PDE10A: variants seen among roughly 807,000 people sequenced by gnomAD.
The protein encoded by PDE10A is phosphodiesterase 10A, also known as cAMP and cAMP-inhibited cGMP 3',5'-cyclic phosphodiesterase 10A.
In PDE10A, 39 loss-of-function variants were observed where a neutral mutation model predicts 97.7. That is an observed-to-expected ratio of 0.40 (90% CI 0.31 to 0.52). The LOEUF is 0.52. Among genes scored for constraint, PDE10A ranks in the 20% least tolerant of loss-of-function variants. PDE10A has a pLI of 0.56. For synonymous variants in PDE10A, 371 were observed against 376.8 expected (o/e 0.98, Z 0.18); for missense variants, 731 against 1,047.8 (o/e 0.70, Z 4.17).
intron 1 of PDE10A, among the ~76,000 whole-genome samples, chr6:165,742,955 G>A (rs764922592): frequency 8.5e-5 from 13 of 152,310 alleles, no homozygotes; most frequent in East Asian, 1.9e-4. Flanking sequence ...TCCTCCTGAT[G>A]AGCCTGGTCT....
intron 1 of PDE10A, among the ~76,000 whole-genome samples, chr6:165,736,159 A>C (rs143777839): frequency 6.6e-6 from 1 of 152,322 alleles, no homozygotes; most frequent in African/African-American, 2.4e-5. Flanking sequence ...AGAAAGAAGT[A>C]GGTGGCAAAA....
chr6:165,779,617 G>A (rs1211010899), intron 1 of PDE10A, among the ~76,000 whole-genome samples: 2 of 152,188 alleles, frequency 1.3e-5, no homozygotes, highest in Non-Finnish European at 1.5e-5. Flanking sequence ...ATTTGGGGTG[G>A]TGGCTACAAA....
intron 1 of PDE10A, among the ~76,000 whole-genome samples, chr6:165,961,692 T>A (rs946776640): frequency 3.9e-5 from 6 of 152,220 alleles, no homozygotes; most frequent in African/African-American, 1.4e-4. Flanking sequence ...TGATGGAAGT[T>A]TCCCAGACTG....
chr6:165,579,478 C>A (rs575900634), intron 1 of PDE10A, among the ~76,000 whole-genome samples: 5 of 152,176 alleles, frequency 3.3e-5, no homozygotes, highest in Non-Finnish European at 7.3e-5. Flanking sequence ...GTCTCTCACA[C>A]CTCACATCCA....
At chr6:165,911,694 T>C (rs889083999) in intron 1 of PDE10A, among the ~76,000 whole-genome samples, 1 of 152,232 alleles carries the variant, frequency 6.6e-6, no homozygotes, top group Non-Finnish European at 1.5e-5. Flanking sequence ...TATGGATGGC[T>C]CACCAGGTTC....
rs1348447809 is a variant in PDE10A, at chr6:165,413,504, A to G, written c.2073T>C (p.Ala691=). The G allele has an allele frequency of 6.2e-7, 1 of 1,608,516 alleles. No individual in the cohort carries two copies. The highest frequency in any genetic ancestry group is 1.7e-5 in the Admixed American group (1 of 60,008). The change falls in exon 13 of 22, where the codon GCT becomes GCC. Residue 691 remains alanine (A), a synonymous_variant. Transcript: ENST00000539869. ...GTATTTAATAAATAGTACTTACATT[A>G]GCACAGTGTAAGGCTAAAGCACAAA... ...AVFCALALHC[A]NMYHRIRHSE... is the part of the protein sequence containing the mutation.
chr6:165,685,720 TG>T (rs1382488936), intron 1 of PDE10A, among the ~76,000 whole-genome samples: 2 of 152,168 alleles, frequency 1.3e-5, no homozygotes, highest in Non-Finnish European at 2.9e-5. Flanking sequence ...ATGCCTGACC[TG>T]GGGTGAGCCC....
chr6:165,748,650 A>C (rs1376160632), intron 1 of PDE10A, among the ~76,000 whole-genome samples: 1 of 152,226 alleles, frequency 6.6e-6, no homozygotes, highest in Non-Finnish European at 1.5e-5. Context: ...ACAGTAACAC[A>C]GCTCCCAGCA....
chr6:165,655,229 T>C lies in PDE10A; in HGVS notation c.865+6718A>G, dbSNP rs949653862. ...CTTGGGGCATCCAATCCCATGATTT[T>C]AGATGCTGTGACTGCAGTTTCTATG... On this transcript the variant is annotated intron_variant, in intron 1 of 21. Coordinates refer to ENST00000539869, the MANE Select transcript of PDE10A (RefSeq NM_001385079.1). This position sits in a 1 kb window ranked among gnomAD's most constrained non-coding sequence, Gnocchi z 4.5. 6.6e-6 allele frequency among the ~76,000 whole-genome samples: 1 copy of C among 152,210 alleles called. No homozygotes were observed. The highest frequency in any genetic ancestry group is 1.5e-5 in the Non-Finnish European group (1 of 68,028).
At position 165,655,332 on chromosome 6, in the gene PDE10A, C is replaced by G. The variant is rs1789886269; in HGVS notation, c.865+6615G>C. Among the ~76,000 whole-genome samples the G allele has an allele frequency of 6.6e-6, 1 of 152,172 alleles. No homozygotes were observed. The highest frequency in any genetic ancestry group is 2.4e-5 in the African/African-American group (1 of 41,440). ...AACTGCCTTCCTAGCATATGCATCT[C>G]AGGCTGAACACCACCAAACGCCACG... On this transcript the variant is annotated intron_variant, in intron 1 of 21. Coordinates refer to ENST00000539869, the MANE Select transcript of PDE10A (RefSeq NM_001385079.1). This position sits in a 1 kb window ranked among gnomAD's most constrained non-coding sequence, Gnocchi z 4.5.
chr6:165,405,573 T>C (rs956247415), intron 13 of PDE10A, among the ~76,000 whole-genome samples: 1 of 152,224 alleles, frequency 6.6e-6, no homozygotes, highest in African/African-American at 2.4e-5. Flanking sequence ...ACATATCTCA[T>C]TTTGTCCTGA....
At chr6:165,668,695 G>A (rs77418792) in intron 1 of PDE10A, among the ~76,000 whole-genome samples, 5 of 150,360 alleles carry the variant, frequency 3.3e-5, no homozygotes, top group African/African-American at 9.8e-5. Context: ...AGAAAGGAAA[G>A]GAAGGAAGAA....
In PDE10A at chr6:165,418,900, T is replaced by A; in HGVS notation, c.1654-123A>T. 1.4e-6 allele frequency: 1 copy of A among 693,048 alleles called. No individual in the cohort carries two copies. The highest frequency in any genetic ancestry group is 2.4e-6 in the Non-Finnish European group (1 of 411,874). The allele number at this position is 693,048 out of a possible 1,614,324, so 42.9% of individuals were successfully genotyped here. On this transcript the variant is annotated intron_variant, in intron 10 of 21. Coordinates refer to ENST00000539869, the MANE Select transcript of PDE10A (RefSeq NM_001385079.1). The surrounding 1 kb of genome is among the most constrained non-coding windows in gnomAD (Gnocchi z 4.8). ...ATACTCTAATTGGTTGGTATTAGCA[T>A]TATAAGTAAATAAATATACAAGTAT...
intron 13 of PDE10A, among the ~76,000 whole-genome samples, chr6:165,410,495 A>G (rs74465782): frequency 6.6e-6 from 1 of 151,906 alleles, no homozygotes; most frequent in Non-Finnish European, 1.5e-5. Flanking sequence ...AGATGGCTAG[A>G]GCATTCTGTG....
At chr6:165,724,961 C>T (rs73788767) in intron 1 of PDE10A, among the ~76,000 whole-genome samples, 7,748 of 152,220 alleles carry the variant, frequency 0.051, 336 homozygotes, top group African/African-American at 0.12. Context: ...GGGTCCCTGG[C>T]AAAGGCTCCA....
chr6:165,966,398 C>CAA (rs1784511831), intron 1 of PDE10A, among the ~76,000 whole-genome samples: 2 of 152,324 alleles, frequency 1.3e-5, no homozygotes, highest in South Asian at 4.1e-4. Flanking sequence ...TGTCTCCTGA[C>CAA]CATGTGTCTC....
At chr6:165,542,612 C>CTTTTTTTTTTTTTTTTTTTTTTTT (rs545149187) in intron 2 of PDE10A, among the ~76,000 whole-genome samples, 8 of 76,456 alleles carry the variant, frequency 1.0e-4, no homozygotes, top group East Asian at 5.7e-4. Context: ...TGTCCTTGTT[C>CTTTTTTTTTTTTTTTTTTTTTTTT]TTTTTTTTTT....
intron 1 of PDE10A, among the ~76,000 whole-genome samples, chr6:165,592,201 T>A (rs3008005): frequency 0.71 from 108,596 of 152,028 alleles, 40,518 homozygotes; most frequent in Non-Finnish European, 0.83. Context: ...AAAACAAGCA[T>A]TGGGGAAAGG....
intron 1 of PDE10A, among the ~76,000 whole-genome samples, chr6:165,846,869 T>A (rs894107293): frequency 6.6e-6 from 1 of 152,204 alleles, no homozygotes; most frequent in Non-Finnish European, 1.5e-5. Context: ...TTTGAGGGAC[T>A]GCAGCTTCTC....
Sources: allele counts gnomAD v4.1 joint callset (sites outside exome capture counted in the v4.1 genomes callset), GRCh38; gene constraint gnomAD v4.1.1; non-coding constraint Gnocchi (gnomAD v3.1); transcripts MANE v1.5; gene names NCBI Gene and HGNC (gene_info 2026-07-23, HGNC 2026-07-21).